The following PRDM15 variants were observed in gnomAD, a reference collection of about 807,000 sequenced individuals.
PRDM15 encodes PR domain zinc finger protein 15.
A neutral mutation model predicts 128.6 loss-of-function variants in PRDM15; 64 were observed. That is an observed-to-expected ratio of 0.50 (90% CI 0.41 to 0.61). The LOEUF (loss-of-function observed/expected upper bound fraction) is 0.61, where lower values mean the gene tolerates loss of function less well. Among genes scored for constraint, PRDM15 ranks in the 20% least tolerant of loss-of-function variants. PRDM15 has a pLI of 0.00. For missense variants in PRDM15, 1,242 were observed against 1,569.1 expected (o/e 0.79, Z 3.52); for synonymous variants, 615 against 621.8 (o/e 0.99, Z 0.16).
In PRDM15 at chr21:41,810,025, G is replaced by A. The variant is rs111576490; in HGVS notation, c.2652+129C>T. ...GTGGCAGGCAGTGCCAGTCACAGAC[G>A]CACCTAAGACTCAGGGCCTGCCTCC... On this transcript the variant is annotated intron_variant, in intron 21 of 23. Coordinates refer to ENST00000398548, the MANE Select transcript of PRDM15 (RefSeq NM_001040424.3). The surrounding 1 kb of genome is among the most constrained non-coding windows in gnomAD (Gnocchi z 6.4). 31 of 875,212 alleles carry A rather than the reference G, an allele frequency of 3.5e-5. 1 individual carries two copies. Among genetic ancestry groups the A allele is most frequent in the African/African-American group, 2.2e-4 (13 of 60,070 alleles). 54.2% of individuals were successfully genotyped at this position (875,212 alleles called of 1,614,324 possible).
chr21:41,810,762 T>C lies in PRDM15; in HGVS notation c.2467A>G (p.Ile823Val). The stretch of plus-strand genomic sequence containing the variant: ...AGGCTGCGCCGCTCACCTGTGTGGA[T>C]GAGCTTGTGGGTCTCCATGGTGTTC... ...ERNTMETHKL[I>V]HTVGKQWTCS... is the part of the protein sequence containing the mutation. Residue 823 changes from isoleucine to valine, a missense_variant, in exon 20 of 24, where the codon ATC becomes GTC. Around this residue, in one of 3 missense-constraint regions of PRDM15, gnomAD observed 602 missense variants for 788.3 expected, o/e 0.76. Transcript: ENST00000398548. This position sits in a 1 kb window ranked among gnomAD's most constrained non-coding sequence, Gnocchi z 6.4. The C allele has an allele frequency of 1.2e-6, 2 of 1,609,682 alleles. No individual in the cohort carries two copies. Among genetic ancestry groups the C allele is most frequent in the East Asian group, 2.2e-5 (1 of 44,864 alleles).
intron 21 of PRDM15, among the ~76,000 whole-genome samples, chr21:41,808,634 G>C (rs764444045): frequency 6.6e-6 from 1 of 152,208 alleles, no homozygotes; most frequent in African/African-American, 2.4e-5. Flanking sequence ...ATCACTGTGG[G>C]ATGTTTTGCT....
rs1282234530 is a variant in PRDM15, at chr21:41,854,722, G to A, written c.382C>T (p.His128Tyr). 6 of 1,613,166 alleles carry A rather than the reference G, an allele frequency of 3.7e-6. No homozygotes were observed. Among genetic ancestry groups the A allele is most frequent in the East Asian group, 4.5e-5 (2 of 44,890 alleles). The change falls in exon 5 of 24, where the codon CAC becomes TAC. Residue 128 changes from histidine (H) to tyrosine (Y), a missense_variant. His to Tyr is a moderately conservative substitution (Grantham distance 83). Coordinates refer to ENST00000398548, the MANE Select transcript of PRDM15 (RefSeq NM_001040424.3). This position sits in a 1 kb window ranked among gnomAD's most constrained non-coding sequence, Gnocchi z 4.6. Reference sequence around the variant, plus strand: ...TGCTGGTAGGCCGTCAGGTTCTGGTGCTCGGCCTCCGCCGCTGGCCGCACC... The same window carrying A: ...TGCTGGTAGGCCGTCAGGTTCTGGTACTCGGCCTCCGCCGCTGGCCGCACC... ...MLVRPAAEAE[H>Y]QNLTAYQHGS... is the part of the protein sequence containing the mutation.
In PRDM15 at chr21:41,859,003, C is replaced by A; in HGVS notation, c.131+589G>T. On this transcript the variant is annotated intron_variant, in intron 3 of 23. Coordinates refer to ENST00000398548, the MANE Select transcript of PRDM15 (RefSeq NM_001040424.3). This position sits in a 1 kb window ranked among gnomAD's most constrained non-coding sequence, Gnocchi z 5.3. The stretch of plus-strand genomic sequence containing the variant: ...ATCCTCTACAGAGGCCACCGAGGTC[C>A]GGAGAGGAGTGCCTTGTCCAAGCTC... 1 of 1,520,344 alleles carries A rather than the reference C, an allele frequency of 6.6e-7. No individual in the cohort carries two copies. The highest frequency in any genetic ancestry group is 1.2e-5 in the South Asian group (1 of 82,726). 94.2% of individuals were successfully genotyped at this position (1,520,344 alleles called of 1,614,324 possible). A position where few individuals can be genotyped will look rare whatever the true frequency, so the allele number is the denominator to read the frequency against.
At chr21:41,802,003 G>A (rs1167000957) in intron 23 of PRDM15, among the ~76,000 whole-genome samples, 3 of 152,184 alleles carry the variant, frequency 2.0e-5, no homozygotes, top group Non-Finnish European at 4.4e-5. Context: ...GAAAACAGAT[G>A]CTTCCTTTTC....
At chr21:41,834,715 A>G (rs966252248) in intron 11 of PRDM15, among the ~76,000 whole-genome samples, 35 of 152,208 alleles carry the variant, frequency 2.3e-4, no homozygotes, top group African/African-American at 8.4e-4. Context: ...TCACTGCAGA[A>G]TACAGGGGCG....
At chr21:41,878,700 C>T in intron 1 of PRDM15, 1 of 1,569,842 alleles carries the variant, frequency 6.4e-7, no homozygotes. Context: ...ATCACCAGGA[C>T]TCAGCTTCTC....
At chr21:41,850,313 A>ACACTCTCCTCCTGGTGCCCCCACC (rs760550562) in intron 5 of PRDM15, among the ~76,000 whole-genome samples, 7 of 142,078 alleles carry the variant, frequency 4.9e-5, no homozygotes, top group Non-Finnish European at 7.7e-5. Flanking sequence ...GTGCCCCCCC[A>ACACTCTCCTCCTGGTGCCCCCACC]ACACTCTCCT....
intron 12 of PRDM15, among the ~76,000 whole-genome samples, chr21:41,827,625 A>G (rs2062516195): frequency 6.6e-6 from 1 of 152,132 alleles, no homozygotes. Context: ...TCCAGGCGTG[A>G]GCCACCATGC....
At chr21:41,801,754 C>T in intron 23 of PRDM15, 32 bp from the exon 24 acceptor site, 3 of 1,589,438 alleles carry the variant, frequency 1.9e-6, no homozygotes, top group Non-Finnish European at 2.6e-6. Flanking sequence ...AAAATCCGTT[C>T]ATTTTTGCAA....
In PRDM15 at chr21:41,799,675, C is replaced by T. The variant is rs1206908828; in HGVS notation, c.*1565G>A. ...TGAGAAAGTTGCGTTTTGAAAAACA[C>T]AATCATCCTTTGTTCTGCTGGCAAC... is the stretch of plus-strand genomic sequence containing the variant. On this transcript the variant is annotated 3_prime_UTR_variant, in exon 24 of 24. Coordinates refer to ENST00000398548, the MANE Select transcript of PRDM15 (RefSeq NM_001040424.3). 1 of 152,436 alleles carries T rather than the reference C, an allele frequency of 6.6e-6. No individual in the cohort carries two copies. The allele number at this position is 152,436 out of a possible 1,614,324, so 9.4% of individuals were successfully genotyped here.
chr21:41,840,108 C>T (rs149921600), intron 6 of PRDM15, among the ~76,000 whole-genome samples: 1,596 of 152,290 alleles, frequency 0.01, 22 homozygotes, highest in African/African-American at 0.036. Context: ...GACATACACA[C>T]ACACATATGT....
chr21:41,862,044 C>T lies in PRDM15; in HGVS notation c.-9-1672G>A, dbSNP rs753661712. The stretch of plus-strand genomic sequence containing the variant: ...CACCTCGGCGCAAATAGGGACCAGT[C>T]TGGGATGGGGGCTCAGCTGGGCAGT... On this transcript the variant is annotated intron_variant, in intron 1 of 23. Transcript: ENST00000398548. The surrounding 1 kb of genome is among the most constrained non-coding windows in gnomAD (Gnocchi z 4.1). 2.7e-6 allele frequency: 4 copies of T among 1,481,844 alleles called. No individual in the cohort carries two copies. Among genetic ancestry groups the T allele is most frequent in the East Asian group, 4.6e-5 (2 of 43,940 alleles). 91.8% of individuals were successfully genotyped at this position (1,481,844 alleles called of 1,614,324 possible).
intron 14 of PRDM15, 87 bp from the exon 15 acceptor site, chr21:41,822,124 C>T (rs2062297849): frequency 6.4e-7 from 1 of 1,569,372 alleles, no homozygotes; most frequent in Non-Finnish European, 8.7e-7. Context: ...CCAATCATTT[C>T]CCCAGATGCA....
intron 6 of PRDM15, among the ~76,000 whole-genome samples, chr21:41,843,096 TTTTTTTGTTTG>T (rs2063123751): frequency 6.6e-6 from 1 of 151,410 alleles, no homozygotes; most frequent in African/African-American, 2.4e-5. Flanking sequence ...GATTTTTTTG[TTTTTTTGTTTG>T]TTTTTTTGTT....
In PRDM15 at chr21:41,828,059, G is replaced by A. The variant is rs1020666082; in HGVS notation, c.1534+107C>T. 12 of 1,120,540 alleles carry A rather than the reference G, an allele frequency of 1.1e-5. No individual in the cohort carries two copies. Among genetic ancestry groups the A allele is most frequent in the East Asian group, 2.4e-5 (1 of 41,788 alleles). 69.4% of individuals were successfully genotyped at this position (1,120,540 alleles called of 1,614,324 possible). On this transcript the variant is annotated intron_variant, in intron 12 of 23. Transcript: ENST00000398548. This position sits in a 1 kb window ranked among gnomAD's most constrained non-coding sequence, Gnocchi z 5.7. ...GGCGTTTCCAGGCAAAGGAGCAGGC[G>A]GCACCGAACTGCTCCCCAAAGGCCC...
At chr21:41,830,567 T>A (rs2062652170) in intron 11 of PRDM15, among the ~76,000 whole-genome samples, 1 of 142,784 alleles carries the variant, frequency 7.0e-6, no homozygotes. Context: ...ACAAATACAC[T>A]CAACACACAC....
At chr21:41,860,406 A>AGC (rs752192249) in intron 1 of PRDM15, 34 bp from the exon 2 acceptor site, 5 of 1,590,560 alleles carry the variant, frequency 3.1e-6, no homozygotes, top group Non-Finnish European at 4.3e-6. Context: ...ATTAATGACA[A>AGC]GCTCTTACCA....
chr21:41,804,628 A>G lies in PRDM15; in HGVS notation c.2653-14T>C, dbSNP rs547339791. Reference sequence around the variant, plus strand: ...CACCGCGAGCACCTATGAGGAGCACAGGGCATGAGCTGGGGGTCAGGGTGC... The same window carrying G: ...CACCGCGAGCACCTATGAGGAGCACGGGGCATGAGCTGGGGGTCAGGGTGC... On this transcript the variant is annotated splice_polypyrimidine_tract_variant and intron_variant, in intron 21 of 23. Transcript: ENST00000398548. The G allele has an allele frequency of 3.9e-6, 6 of 1,544,864 alleles. No homozygotes were observed. The highest frequency in any genetic ancestry group is 4.4e-6 in the Non-Finnish European group (5 of 1,145,050).
Sources: gnomAD v4.1 joint callset for allele counts (sites outside exome capture counted in the v4.1 genomes callset) on GRCh38, gnomAD v4.1.1 for gene constraint, gnomAD v4.1.1 regional missense constraint, Gnocchi (gnomAD v3.1) non-coding constraint, MANE v1.5 for transcripts, NCBI Gene and HGNC (gene_info 2026-07-23, HGNC 2026-07-21) for gene names.